The following ARHGAP31 variants were observed in gnomAD, a reference collection of about 807,000 sequenced individuals.
The protein encoded by ARHGAP31 is rho GTPase-activating protein 31.
A neutral mutation model predicts 113.9 loss-of-function variants in ARHGAP31; 34 were observed. The observed-to-expected ratio is 0.30, with a 90% confidence interval of 0.23 to 0.40. The LOEUF (loss-of-function observed/expected upper bound fraction) is 0.40, where lower values mean the gene tolerates loss of function less well. Ranked by LOEUF, ARHGAP31 falls within the 10% of genes least tolerant of loss-of-function variation. The pLI is 1.00. For synonymous variants in ARHGAP31, 650 were observed against 684.8 expected (o/e 0.95, Z 0.79); for missense variants, 1,548 against 1,767.1 (o/e 0.88, Z 2.22).
chr3:119,383,890 G>T (rs183005845), intron 6 of ARHGAP31, among the ~76,000 whole-genome samples: 1 of 152,208 alleles, frequency 6.6e-6, no homozygotes, highest in African/African-American at 2.4e-5. Flanking sequence ...GTGCATGAGA[G>T]TGGTTTTCCA....
intron 1 of ARHGAP31, among the ~76,000 whole-genome samples, chr3:119,319,228 T>TAAA (rs1217909206): frequency 1.4e-5 from 2 of 139,012 alleles, no homozygotes; most frequent in East Asian, 2.1e-4. Flanking sequence ...CATCATATAT[T>TAAA]AAAAAAAAAA....
At chr3:119,305,865 G>A (rs1343259736) in intron 1 of ARHGAP31, among the ~76,000 whole-genome samples, 1 of 152,212 alleles carries the variant, frequency 6.6e-6, no homozygotes, top group African/African-American at 2.4e-5. Context: ...TGGACACAGA[G>A]CCTATAGCTA....
chr3:119,297,659 G>T (rs2079544617), intron 1 of ARHGAP31, among the ~76,000 whole-genome samples: 1 of 152,192 alleles, frequency 6.6e-6, no homozygotes, highest in Admixed American at 6.5e-5. Flanking sequence ...TATGCTCAGG[G>T]CATCTGAACA....
At chr3:119,305,633 A>G (rs1351528466) in intron 1 of ARHGAP31, among the ~76,000 whole-genome samples, 1 of 152,162 alleles carries the variant, frequency 6.6e-6, no homozygotes, top group Non-Finnish European at 1.5e-5. Context: ...TTTAAGCTTT[A>G]TTGTGGCCTT....
In ARHGAP31 at chr3:119,416,058, A is replaced by G. The variant is rs1214983855; in HGVS notation, c.4129A>G (p.Arg1377Gly). Residue 1377 changes from arginine (R) to glycine (G), a missense_variant, in exon 12 of 12, where the codon AGA becomes GGA. Transcript: ENST00000264245. ...TDSKVLLSPI[R>G]SPTQTVSPGL... ...TTCCAAGGTCCTGCTGTCCCCTATC[A>G]GAAGTCCCACCCAGACAGTTTCCCC... 1 of 1,614,198 alleles carries G rather than the reference A, an allele frequency of 6.2e-7. No individual in the cohort carries two copies. Among genetic ancestry groups the G allele is most frequent in the Non-Finnish European group, 8.5e-7 (1 of 1,180,036 alleles).
chr3:119,319,025 G>T, intron 1 of ARHGAP31, among the ~76,000 whole-genome samples: 1 of 151,962 alleles, frequency 6.6e-6, no homozygotes, highest in Non-Finnish European at 1.5e-5. Flanking sequence ...GGGACTCATT[G>T]TTAAAAATTC....
chr3:119,384,549 C>T (rs1167786893), intron 6 of ARHGAP31, among the ~76,000 whole-genome samples: 1 of 152,148 alleles, frequency 6.6e-6, no homozygotes, highest in East Asian at 1.9e-4. Context: ...TCTGCGTCCT[C>T]CTATGGTGAG....
At chr3:119,350,742 ATATTT>A (rs2080104017) in intron 1 of ARHGAP31, among the ~76,000 whole-genome samples, 1 of 152,206 alleles carries the variant, frequency 6.6e-6, no homozygotes, top group Non-Finnish European at 1.5e-5. Flanking sequence ...ATTGAAGTTT[ATATTT>A]TATTTAACAG....
chr3:119,337,260 A>C (rs1447436221), intron 1 of ARHGAP31, among the ~76,000 whole-genome samples: 1 of 152,100 alleles, frequency 6.6e-6, no homozygotes, highest in African/African-American at 2.4e-5. Context: ...TGGTGGGTTC[A>C]TGGTCTTACA....
chr3:119,378,302 C>A (rs1395003178), intron 3 of ARHGAP31, among the ~76,000 whole-genome samples: 1 of 152,078 alleles, frequency 6.6e-6, no homozygotes, highest in Non-Finnish European at 1.5e-5. Context: ...AGTGGCCGGG[C>A]CCCTCCAGAA....
chr3:119,307,940 C>CATAAAAAAAA (rs2079644476), intron 1 of ARHGAP31, among the ~76,000 whole-genome samples: 1 of 45,452 alleles, frequency 2.2e-5, no homozygotes, highest in Non-Finnish European at 3.7e-5. Context: ...GAATTAACAG[C>CATAAAAAAAA]AAAAAAAAAA....
chr3:119,400,684 C>T (rs1281252861), intron 9 of ARHGAP31, among the ~76,000 whole-genome samples: 1 of 152,120 alleles, frequency 6.6e-6, no homozygotes, highest in Non-Finnish European at 1.5e-5. Context: ...TCGATGTCCT[C>T]ATGTGTTAAA....
rs1256757712 is a variant in ARHGAP31, at chr3:119,378,582, T to G, written c.349-2322T>G. On this transcript the variant is annotated intron_variant, in intron 3 of 11. Transcript: ENST00000264245. ...GTGGTACAACGTTTGTGAAGCATGA[T>G]TCCGGCTTTGCAGAGAGATGAAGAG... 2.6e-5 allele frequency among the ~76,000 whole-genome samples: 4 copies of G among 152,328 alleles called. No homozygotes were observed. In the South Asian group the frequency reaches 8.3e-4, roughly 32 times the overall value.
Position 119,414,863 on chromosome 3 carries a change from T to C in ARHGAP31, c.2934T>C (p.Leu978=). 1.2e-6 allele frequency: 2 copies of C among 1,614,136 alleles called. No individual in the cohort carries two copies. The highest frequency in any genetic ancestry group is 1.7e-6 in the Non-Finnish European group (2 of 1,180,016). ...CCTCCTCCAGCAGCTGTGCTAATCT[T>C]GAAACAGAGAGGAATTCTGACCCTC... The part of the protein sequence containing the change: ...EVPSSSSCAN[L]ETERNSDPLQ... Residue 978 remains leucine, a synonymous_variant, in exon 12 of 12, where the codon CTT becomes CTC. Coordinates refer to ENST00000264245, the MANE Select transcript of ARHGAP31 (RefSeq NM_020754.4).
chr3:119,294,389 G>C lies in ARHGAP31; in HGVS notation c.-516G>C, dbSNP rs1286157393. The C allele has an allele frequency of 5.0e-6, 2 of 403,012 alleles. No homozygotes were observed. The highest frequency in any genetic ancestry group is 8.7e-6 in the Non-Finnish European group (2 of 229,712). 25.0% of individuals were successfully genotyped at this position (403,012 alleles called of 1,614,324 possible). Reference sequence around the variant, plus strand: ...TGTAAGACAGGAAAAAAAGGAAGGCGTGAGGGCGGGCAGCAGCGACAGGAT... The same window carrying C: ...TGTAAGACAGGAAAAAAAGGAAGGCCTGAGGGCGGGCAGCAGCGACAGGAT... On this transcript the variant is annotated 5_prime_UTR_variant, in exon 1 of 12. Transcript: ENST00000264245.
intron 1 of ARHGAP31, among the ~76,000 whole-genome samples, chr3:119,309,949 G>GTTTTTT (rs57460032): frequency 6.9e-6 from 1 of 143,988 alleles, no homozygotes. Context: ...ACTATCAACT[G>GTTTTTT]TTTTTTTTTT....
chr3:119,311,964 A>G (rs993218937), intron 1 of ARHGAP31, among the ~76,000 whole-genome samples: 1 of 152,240 alleles, frequency 6.6e-6, no homozygotes, highest in Non-Finnish European at 1.5e-5. Context: ...AGAGTGGTAA[A>G]AACAGTACAG....
intron 1 of ARHGAP31, among the ~76,000 whole-genome samples, chr3:119,346,783 A>T (rs1158897004): frequency 6.6e-6 from 1 of 152,246 alleles, no homozygotes; most frequent in Non-Finnish European, 1.5e-5. Flanking sequence ...TCACTTTTCA[A>T]ATCACTCTGG....
chr3:119,320,917 A>G (rs1055238939), intron 1 of ARHGAP31, among the ~76,000 whole-genome samples: 1 of 152,100 alleles, frequency 6.6e-6, no homozygotes, highest in African/African-American at 2.4e-5. Flanking sequence ...GATAGTGAGT[A>G]AGTCTCACGA....
Sources: allele counts gnomAD v4.1 joint callset (sites outside exome capture counted in the v4.1 genomes callset), GRCh38; gene constraint gnomAD v4.1.1; transcripts MANE v1.5; gene names NCBI Gene and HGNC (gene_info 2026-07-23, HGNC 2026-07-21).